RNF144A: variants seen among roughly 807,000 people sequenced by gnomAD.
The protein encoded by RNF144A is E3 ubiquitin-protein ligase RNF144A.
Under a neutral mutation model 38.7 loss-of-function variants are expected in RNF144A, and 11 were observed. The ratio of observed to expected loss-of-function variants is 0.28; its 90% CI spans 0.18 to 0.47. The LOEUF (loss-of-function observed/expected upper bound fraction) is 0.47. RNF144A is among the 20% of genes least tolerant of loss of function. RNF144A has a pLI of 0.99. For synonymous variants in RNF144A, 149 were observed against 143.9 expected (o/e 1.04, Z -0.25); for missense variants, 316 against 377.2 (o/e 0.84, Z 1.34).
chr2:6,951,396 C>G (rs1409307610), intron 2 of RNF144A, among the ~76,000 whole-genome samples: 1 of 152,100 alleles, frequency 6.6e-6, no homozygotes, highest in Non-Finnish European at 1.5e-5. Context: ...GGCTTCCAAC[C>G]TTTTCCCTCT....
At chr2:7,052,030 G>A (rs1673547365) in intron 6 of RNF144A, among the ~76,000 whole-genome samples, 3 of 152,114 alleles carry the variant, frequency 2.0e-5, no homozygotes, top group Admixed American at 2.0e-4. Flanking sequence ...TAATTAGAAT[G>A]CCTAATTGGA....
At chr2:7,060,621 T>C (rs1011033838) in intron 6 of RNF144A, among the ~76,000 whole-genome samples, 2 of 152,226 alleles carry the variant, frequency 1.3e-5, no homozygotes, top group African/African-American at 4.8e-5. Flanking sequence ...TTAGGGCTGA[T>C]GTTCCCAGCT....
chr2:7,013,073 A>G (rs1251238780), intron 3 of RNF144A, among the ~76,000 whole-genome samples: 2 of 152,218 alleles, frequency 1.3e-5, no homozygotes, highest in African/African-American at 4.8e-5. Flanking sequence ...AGAAATTGCA[A>G]TCTGGAGTCT....
intron 2 of RNF144A, among the ~76,000 whole-genome samples, chr2:6,971,325 T>A (rs1217161497): frequency 6.6e-6 from 1 of 152,132 alleles, no homozygotes; most frequent in African/African-American, 2.4e-5. Context: ...GTAGGGATGG[T>A]AAGGATGGCC....
chr2:6,987,279 G>T (rs1669021363), intron 2 of RNF144A, among the ~76,000 whole-genome samples: 1 of 152,258 alleles, frequency 6.6e-6, no homozygotes, highest in African/African-American at 2.4e-5. Flanking sequence ...CTGCAGATCT[G>T]CGGGGGCCAG....
At chr2:6,946,712 A>G (rs543896093) in intron 2 of RNF144A, among the ~76,000 whole-genome samples, 1 of 152,204 alleles carries the variant, frequency 6.6e-6, no homozygotes, top group Admixed American at 6.5e-5. Context: ...AAGCATTTTT[A>G]ATAATAAAAT....
downstream of RNF144A, among the ~76,000 whole-genome samples, chr2:7,068,901 T>C (rs1271334309): frequency 6.6e-6 from 1 of 152,214 alleles, no homozygotes; most frequent in African/African-American, 2.4e-5. Flanking sequence ...AAGTAGAGGC[T>C]GCCTGGCACC....
chr2:6,980,265 C>G (rs1027736594), intron 2 of RNF144A, among the ~76,000 whole-genome samples: 11 of 152,194 alleles, frequency 7.2e-5, no homozygotes, highest in African/African-American at 2.7e-4. Flanking sequence ...AACAGCCCCC[C>G]AGAGTCTTAA....
At chr2:7,025,871 A>G (rs905471022) in intron 7 of RNF144A, among the ~76,000 whole-genome samples, 3 of 152,104 alleles carry the variant, frequency 2.0e-5, no homozygotes, top group Non-Finnish European at 2.9e-5. Flanking sequence ...GTCTCATTCA[A>G]ATAAAGCGGG....
At chr2:6,988,726 CTT>C (rs1558408730) in intron 2 of RNF144A, among the ~76,000 whole-genome samples, 1 of 152,142 alleles carries the variant, frequency 6.6e-6, no homozygotes, top group Non-Finnish European at 1.5e-5. Context: ...AAACTACACT[CTT>C]TGGAAGGAAG....
intron 2 of RNF144A, among the ~76,000 whole-genome samples, chr2:6,959,939 C>T (rs1379571978): frequency 6.6e-6 from 1 of 152,214 alleles, no homozygotes; most frequent in East Asian, 1.9e-4. Flanking sequence ...GCACTTTGAT[C>T]TCAGTCAAGG....
At chr2:7,051,098 G>A (rs1166259217) in intron 6 of RNF144A, among the ~76,000 whole-genome samples, 1 of 152,214 alleles carries the variant, frequency 6.6e-6, no homozygotes, top group Non-Finnish European at 1.5e-5. Flanking sequence ...ACACTCCACA[G>A]GTGGTAGCAG....
chr2:6,995,167 A>G (rs1669641433), intron 2 of RNF144A, among the ~76,000 whole-genome samples: 1 of 151,924 alleles, frequency 6.6e-6, no homozygotes, highest in Non-Finnish European at 1.5e-5. Flanking sequence ...AGTGACACCC[A>G]GTGAGGTGTC....
intron 2 of RNF144A, among the ~76,000 whole-genome samples, chr2:6,980,282 C>T (rs1276733905): frequency 6.6e-6 from 1 of 152,188 alleles, no homozygotes; most frequent in Non-Finnish European, 1.5e-5. Context: ...TTAACTCATT[C>T]CAGCATTAAC....
At chr2:6,937,834 C>CA (rs1665688525) in intron 1 of RNF144A, among the ~76,000 whole-genome samples, 1 of 151,882 alleles carries the variant, frequency 6.6e-6, no homozygotes, top group Non-Finnish European at 1.5e-5. Context: ...CTGAATGTTG[C>CA]AAAAAAATTA....
At chr2:7,034,421 C>T (rs1287060387) in intron 8 of RNF144A, among the ~76,000 whole-genome samples, 1 of 152,222 alleles carries the variant, frequency 6.6e-6, no homozygotes, top group Non-Finnish European at 1.5e-5. Flanking sequence ...CCCAGCTTTG[C>T]TCGGACTCAT....
At chr2:7,072,639 T>G (rs1674524132), downstream of RNF144A, among the ~76,000 whole-genome samples, 1 of 152,242 alleles carries the variant, frequency 6.6e-6, no homozygotes, top group South Asian at 2.1e-4. Context: ...ACTGATTTAT[T>G]TACCTGTCTC....
chr2:7,066,180 T>C (rs1226169392), intron 6 of RNF144A, among the ~76,000 whole-genome samples: 6 of 152,040 alleles, frequency 3.9e-5, no homozygotes, highest in Admixed American at 6.6e-5. Flanking sequence ...CTCCGCCTCC[T>C]GGGTTTACGC....
At chr2:6,985,747 A>G (rs991740009) in intron 2 of RNF144A, among the ~76,000 whole-genome samples, 1 of 152,160 alleles carries the variant, frequency 6.6e-6, no homozygotes, top group African/African-American at 2.4e-5. Flanking sequence ...ATCTCGGCTC[A>G]CTGCAAGCTC....
Sources: gnomAD v4.1 joint callset for allele counts (sites outside exome capture counted in the v4.1 genomes callset) on GRCh38, gnomAD v4.1.1 for gene constraint, MANE v1.5 for transcripts, NCBI Gene and HGNC (gene_info 2026-07-23, HGNC 2026-07-21) for gene names.